Variants in MPPED2 observed in about 807,000 individuals in gnomAD.
The protein encoded by MPPED2 is metallophosphoesterase domain containing 2, also known as metallophosphoesterase MPPED2.
In MPPED2, 5 loss-of-function variants were observed where a neutral mutation model predicts 33.0. The observed-to-expected ratio is 0.15, with a 90% CI of 0.08 to 0.32. The LOEUF (loss-of-function observed/expected upper bound fraction) is 0.32, where lower values mean the gene tolerates loss of function less well. Ranked by LOEUF, MPPED2 falls within the 10% of genes least tolerant of loss-of-function variation. The pLI is 1.00. For synonymous variants in MPPED2, 136 were observed against 141.9 expected (o/e 0.96, Z 0.29); for missense variants, 275 against 372.1 (o/e 0.74, Z 2.15).
intron 2 of MPPED2, among the ~76,000 whole-genome samples, chr11:30,567,686 T>G (rs1956505611): frequency 6.6e-6 from 1 of 152,198 alleles, no homozygotes; most frequent in Non-Finnish European, 1.5e-5. Context: ...CATACAAGGA[T>G]AGTGAAAGTG....
intron 6 of MPPED2, among the ~76,000 whole-genome samples, chr11:30,403,665 G>T (rs140381132): frequency 6.6e-6 from 1 of 152,080 alleles, no homozygotes; most frequent in Non-Finnish European, 1.5e-5. Flanking sequence ...TATCACCATC[G>T]TCTAATGAAA....
chr11:30,448,353 G>C (rs957239283), intron 4 of MPPED2, among the ~76,000 whole-genome samples: 4 of 152,172 alleles, frequency 2.6e-5, no homozygotes, highest in African/African-American at 7.2e-5. Context: ...TCAGACTTGA[G>C]CCTGCAGCAG....
intron 3 of MPPED2, among the ~76,000 whole-genome samples, chr11:30,512,648 G>A (rs1322276138): frequency 6.6e-6 from 1 of 152,114 alleles, no homozygotes; most frequent in Non-Finnish European, 1.5e-5. Flanking sequence ...GCCTGAGATA[G>A]TCACTTTAGG....
intron 4 of MPPED2, among the ~76,000 whole-genome samples, chr11:30,469,784 G>A (rs1195501939): frequency 1.3e-5 from 2 of 152,026 alleles, no homozygotes; most frequent in African/African-American, 2.4e-5. Flanking sequence ...ATCCCCCATT[G>A]ATTAGCAGGC....
At chr11:30,389,885 AG>A (rs764134357) in intron 6 of MPPED2, among the ~76,000 whole-genome samples, 1 of 152,196 alleles carries the variant, frequency 6.6e-6, no homozygotes, top group Non-Finnish European at 1.5e-5. Flanking sequence ...TTGGGGCATC[AG>A]AGTACAAGTT....
chr11:30,581,192 C>T (rs115282844), intron 1 of MPPED2, among the ~76,000 whole-genome samples: 1,531 of 152,208 alleles, frequency 0.01, 34 homozygotes, highest in African/African-American at 0.035. Context: ...AGGTCTGGAC[C>T]ACCACTTTGA....
chr11:30,461,209 G>A (rs1950505355), intron 4 of MPPED2, among the ~76,000 whole-genome samples: 1 of 152,114 alleles, frequency 6.6e-6, no homozygotes, highest in Non-Finnish European at 1.5e-5. Context: ...CTAGGGGCTC[G>A]GGTGAAGGAG....
intron 4 of MPPED2, among the ~76,000 whole-genome samples, chr11:30,477,224 G>A (rs1304624907): frequency 6.6e-6 from 1 of 151,986 alleles, no homozygotes; most frequent in Non-Finnish European, 1.5e-5. Context: ...TTTTGTGTGT[G>A]TGTGTGTTTA....
chr11:30,447,564 C>T (rs551661262), intron 4 of MPPED2, among the ~76,000 whole-genome samples: 2 of 152,216 alleles, frequency 1.3e-5, no homozygotes, highest in South Asian at 2.1e-4. Flanking sequence ...TGTGGGGTGT[C>T]AAGAAGCGGC....
intron 1 of MPPED2, among the ~76,000 whole-genome samples, chr11:30,581,670 GC>G (rs1308587009): frequency 1.3e-5 from 2 of 152,216 alleles, no homozygotes; most frequent in African/African-American, 4.8e-5. Context: ...CGAGCAAAAG[GC>G]AGATGGCCTG....
intron 4 of MPPED2, among the ~76,000 whole-genome samples, chr11:30,461,790 C>T (rs1263536888): frequency 6.6e-6 from 1 of 152,180 alleles, no homozygotes; most frequent in African/African-American, 2.4e-5. Context: ...AAGCAAAATT[C>T]ATCCTGACAA....
At chr11:30,461,765 G>A (rs977454646) in intron 4 of MPPED2, among the ~76,000 whole-genome samples, 2 of 152,060 alleles carry the variant, frequency 1.3e-5, no homozygotes, top group East Asian at 1.9e-4. Flanking sequence ...ATGTTCCTCC[G>A]GCCCTCAGAT....
At chr11:30,550,797 T>G (rs1223962740) in intron 2 of MPPED2, among the ~76,000 whole-genome samples, 1 of 152,126 alleles carries the variant, frequency 6.6e-6, no homozygotes, top group Non-Finnish European at 1.5e-5. Context: ...TCAGGAAAAT[T>G]TGGTAGCAGT....
rs776013076 is a variant in MPPED2, at chr11:30,495,256, C to G, written c.536+40G>C. On this transcript the variant is annotated intron_variant, in intron 4 of 6. Coordinates refer to ENST00000358117, the MANE Select transcript of MPPED2 (RefSeq NM_001584.3). ...TGAGCTGTGTTTTCTTGGTACTGAG[C>G]TAAAAAGCAATGTGGAAAACTGTTT... 9 of 1,432,394 alleles carry G rather than the reference C, an allele frequency of 6.3e-6. No individual in the cohort carries two copies. The East Asian group carries it at 1.8e-4, about 29-fold the overall frequency. 88.7% of individuals were successfully genotyped at this position (1,432,394 alleles called of 1,614,324 possible). A position where few individuals can be genotyped will look rare whatever the true frequency, so the allele number is the denominator to read the frequency against.
At chr11:30,545,926 G>A (rs567565468) in intron 2 of MPPED2, among the ~76,000 whole-genome samples, 5 of 152,054 alleles carry the variant, frequency 3.3e-5, no homozygotes, top group Non-Finnish European at 7.3e-5. Flanking sequence ...GCAGTGGCAC[G>A]GTCTCGGCTC....
chr11:30,491,387 C>G (rs987074627), intron 4 of MPPED2, among the ~76,000 whole-genome samples: 5 of 152,188 alleles, frequency 3.3e-5, no homozygotes, highest in African/African-American at 1.2e-4. Context: ...TGCCTAGTGT[C>G]ACCCAATGGG....
chr11:30,554,696 T>C (rs1955884603), intron 2 of MPPED2, among the ~76,000 whole-genome samples: 1 of 152,140 alleles, frequency 6.6e-6, no homozygotes, highest in African/African-American at 2.4e-5. Context: ...GGTTTCACTG[T>C]GTTGGCCGGG....
intron 3 of MPPED2, among the ~76,000 whole-genome samples, chr11:30,519,411 G>T (rs1388900126): frequency 6.6e-6 from 1 of 151,856 alleles, no homozygotes; most frequent in East Asian, 2.0e-4. Context: ...TGTGATTTTA[G>T]CATTTGTAAT....
chr11:30,389,042 C>A (rs1947737523), intron 6 of MPPED2: 1 of 1,447,688 alleles, frequency 6.9e-7, no homozygotes, highest in African/African-American at 1.4e-5. Context: ...CTGATGGTGT[C>A]TTGATTACCT....
Sources: gnomAD v4.1 joint callset for allele counts (sites outside exome capture counted in the v4.1 genomes callset) on GRCh38, gnomAD v4.1.1 for gene constraint, MANE v1.5 for transcripts, NCBI Gene and HGNC (gene_info 2026-07-23, HGNC 2026-07-21) for gene names.